The following KLF8 variants were observed in gnomAD, a reference collection of about 807,000 sequenced individuals.
KLF8 encodes Krueppel-like factor 8.
KLF8 carries 10 observed loss-of-function variants against 18.2 expected under a neutral mutation model. The observed-to-expected ratio is 0.55, with a 90% confidence interval of 0.34 to 0.93. The LOEUF is 0.93. Ranked by LOEUF, KLF8 falls within the 40% of genes least tolerant of loss-of-function variation. The pLI is 0.02. For synonymous variants in KLF8, 109 were observed against 97.3 expected, an observed-to-expected ratio of 1.12 and a Z score of -0.71; for missense variants, 264 against 277.9, an observed-to-expected ratio of 0.95 and a Z score of 0.36.
the KLF8 span, among the ~76,000 whole-genome samples, chrX:56,195,872 A>T: frequency 1.8e-5 from 2 of 112,160 alleles, no homozygotes; most frequent in African/African-American, 6.5e-5. Flanking sequence ...CATCAGATTA[A>T]CAGTGGATCT....
chrX:56,287,493 G>A lies in KLF8; in HGVS notation c.*2999G>A, dbSNP rs906172112. On this transcript the variant is annotated 3_prime_UTR_variant, in exon 6 of 6. Transcript: ENST00000468660. ...AATTTGTTGTGTTTACAACAGCAAA[G>A]CACCGTTAGCCTGGACAGTTGCTTA... 6 of 112,168 alleles carry A rather than the reference G, an allele frequency of 5.3e-5. No homozygotes were observed. The highest frequency in any genetic ancestry group is 1.1e-4 in the Non-Finnish European group (6 of 53,262). The allele number at this position is 112,168 out of a possible 1,213,427, so 9.2% of individuals were successfully genotyped here. A position where few individuals can be genotyped will look rare whatever the true frequency, so the allele number is the denominator to read the frequency against.
At chrX:56,078,520 G>A in the KLF8 span, among the ~76,000 whole-genome samples, 1 of 111,745 alleles carries the variant, frequency 8.9e-6, no homozygotes, top group African/African-American at 3.3e-5. Flanking sequence ...TAAGCTTTTT[G>A]ATGTGCTGCT....
the KLF8 span, among the ~76,000 whole-genome samples, chrX:56,048,622 T>C: frequency 1.8e-5 from 2 of 111,952 alleles, no homozygotes; most frequent in South Asian, 7.5e-4. Context: ...GTTCCATTGG[T>C]CTATATCTCT....
chrX:56,100,135 C>T, the KLF8 span, among the ~76,000 whole-genome samples: 2 of 111,192 alleles, frequency 1.8e-5, no homozygotes, highest in Non-Finnish European at 3.8e-5. Flanking sequence ...GAAGTCAGTG[C>T]TCATTCACCA....
the KLF8 span, among the ~76,000 whole-genome samples, chrX:55,981,920 G>A: frequency 8.9e-6 from 1 of 111,887 alleles, no homozygotes; most frequent in Non-Finnish European, 1.9e-5. Context: ...AAGTTTGAGG[G>A]TAGCACAGCT....
At chrX:56,108,008 G>T in the KLF8 span, among the ~76,000 whole-genome samples, 5 of 111,752 alleles carry the variant, frequency 4.5e-5, no homozygotes, top group Admixed American at 4.8e-4. Context: ...CTTTTCAGTT[G>T]TTCATTGCTT....
At chrX:56,176,524 C>T in the KLF8 span, among the ~76,000 whole-genome samples, 4 of 111,726 alleles carry the variant, frequency 3.6e-5, no homozygotes, top group South Asian at 1.5e-3. Context: ...TTCTCTCTGG[C>T]TGCTCTTAAC....
chrX:56,251,023 A>G (rs2066702720), intron 2 of KLF8, among the ~76,000 whole-genome samples: 1 of 112,814 alleles, frequency 8.9e-6, no homozygotes, highest in Admixed American at 9.3e-5. Context: ...CTCATCCAAA[A>G]AAATACCTTC....
chrX:56,083,910 A>G, the KLF8 span, among the ~76,000 whole-genome samples: 1 of 111,612 alleles, frequency 9.0e-6, no homozygotes, highest in African/African-American at 3.3e-5. Context: ...CCATGGAAAA[A>G]ATTGTCTTCC....
chrX:56,201,607 T>C, the KLF8 span, among the ~76,000 whole-genome samples: 1 of 111,540 alleles, frequency 9.0e-6, no homozygotes, highest in Non-Finnish European at 1.9e-5. Context: ...TATTAAGTGA[T>C]CTCACAAGAA....
the KLF8 span, among the ~76,000 whole-genome samples, chrX:56,175,670 A>G: frequency 9.0e-6 from 1 of 111,235 alleles, no homozygotes; most frequent in African/African-American, 3.3e-5. Flanking sequence ...TTTCTGTCTC[A>G]TTGATCTGTC....
At chrX:56,143,256 G>T in the KLF8 span, among the ~76,000 whole-genome samples, 2 of 111,814 alleles carry the variant, frequency 1.8e-5, no homozygotes, top group East Asian at 5.6e-4. Context: ...CTTCTAGATT[G>T]TCCTATGTCT....
At chrX:56,012,657 C>G in the KLF8 span, among the ~76,000 whole-genome samples, 2 of 111,145 alleles carry the variant, frequency 1.8e-5, no homozygotes, top group Admixed American at 9.6e-5. Context: ...GTCAAACTGT[C>G]TCTATTTGCA....
the KLF8 span, among the ~76,000 whole-genome samples, chrX:56,048,747 G>A: frequency 3.6e-5 from 4 of 111,721 alleles, no homozygotes; most frequent in Non-Finnish European, 7.5e-5. Flanking sequence ...ACGTGGCAAT[G>A]CAGGCTCTTT....
At chrX:56,075,066 C>T in the KLF8 span, among the ~76,000 whole-genome samples, 4 of 110,123 alleles carry the variant, frequency 3.6e-5, no homozygotes, top group African/African-American at 1.3e-4. Flanking sequence ...ATAGAGTATC[C>T]ATCCCCACGA....
the KLF8 span, among the ~76,000 whole-genome samples, chrX:56,192,867 G>A: frequency 5.3e-5 from 6 of 112,534 alleles, no homozygotes; most frequent in Admixed American, 1.9e-4. Context: ...TAAAGTTAAA[G>A]TTTCTATCAC....
chrX:56,052,729 G>T, the KLF8 span, among the ~76,000 whole-genome samples: 1 of 112,069 alleles, frequency 8.9e-6, no homozygotes, highest in East Asian at 2.8e-4. Flanking sequence ...TTGTTTGTCT[G>T]TGCCCTGCCC....
At chrX:55,973,299 C>A in the KLF8 span, among the ~76,000 whole-genome samples, 9 of 111,286 alleles carry the variant, frequency 8.1e-5, no homozygotes, top group Non-Finnish European at 1.5e-4. Context: ...GCCATGGCAA[C>A]GATTTCATGT....
chrX:55,979,225 A>G, the KLF8 span, among the ~76,000 whole-genome samples: 1 of 111,937 alleles, frequency 8.9e-6, no homozygotes, highest in Admixed American at 9.5e-5. Flanking sequence ...TAAGTTTTAA[A>G]TTGCATACTG....
Sources: gnomAD v4.1 joint callset for allele counts (sites outside exome capture counted in the v4.1 genomes callset) on GRCh38, gnomAD v4.1.1 for gene constraint, MANE v1.5 for transcripts, NCBI Gene and HGNC (gene_info 2026-07-23, HGNC 2026-07-21) for gene names.